The following PHTF1 variants were observed in gnomAD, a reference collection of about 807,000 sequenced individuals.
PHTF1 encodes putative homeodomain transcription factor 1.
PHTF1 carries 88 observed loss-of-function variants against 102.4 expected under a neutral mutation model. The observed-to-expected ratio is 0.86, with a 90% CI of 0.72 to 1.03. The LOEUF (loss-of-function observed/expected upper bound fraction) is 1.03, where lower values mean the gene tolerates loss of function less well. Among genes scored for constraint, PHTF1 ranks in the 50% least tolerant of loss-of-function variants. PHTF1 has a pLI of 0.00. For synonymous variants in PHTF1, 289 were observed against 305.2 expected, an observed-to-expected ratio of 0.95 and a Z score of 0.55; for missense variants, 814 against 909.5, an observed-to-expected ratio of 0.89 and a Z score of 1.35.
chr1:113,717,154 T>TA (rs1246358491), intron 7 of PHTF1, among the ~76,000 whole-genome samples: 1 of 151,946 alleles, frequency 6.6e-6, no homozygotes, highest in Middle Eastern at 3.4e-3. Context: ...GTTACCAGTT[T>TA]AAAAAAATAG....
rs970545416 is a variant in PHTF1 at position 113,697,425 on chromosome 1, A to C, written c.*280T>G. ...TAACTGTCACAGTACTGAAGCGCAA[A>C]CTTACAAAATTGTCTTTGTGTTACC... On this transcript the variant is annotated 3_prime_UTR_variant, in exon 19 of 19. Transcript: ENST00000369604. 2 of 345,614 alleles carry C rather than the reference A, an allele frequency of 5.8e-6. No homozygotes were observed. The highest frequency in any genetic ancestry group is 1.1e-5 in the Non-Finnish European group (2 of 187,558). The allele number at this position is 345,614 out of a possible 1,614,324, so 21.4% of individuals were successfully genotyped here. A position where few individuals can be genotyped will look rare whatever the true frequency, so the allele number is the denominator to read the frequency against.
Position 113,706,141 on chromosome 1 carries a change from C to T in PHTF1, c.1420G>A (p.Val474Ile), listed in dbSNP as rs764987109. The change falls in exon 13 of 19, where the codon GTA becomes ATA. Residue 474 changes from valine to isoleucine, a missense_variant. Transcript: ENST00000369604. ...MSRVNAYQQG[V>I]GYQMLGNVVT... is the part of the protein sequence containing the mutation. ...ACATTTCCCAGCATCTGATAACCTACTCCTTGCTGATAGGCATTGACCTGT... is the reference window on the plus strand; with the variant it reads ...ACATTTCCCAGCATCTGATAACCTATTCCTTGCTGATAGGCATTGACCTGT... The T allele has an allele frequency of 1.2e-6, 2 of 1,612,556 alleles. No individual in the cohort carries two copies. Among genetic ancestry groups the T allele is most frequent in the Non-Finnish European group, 1.7e-6 (2 of 1,179,104 alleles).
At chr1:113,737,483 A>T (rs943179072) in intron 5 of PHTF1, among the ~76,000 whole-genome samples, 16 of 152,208 alleles carry the variant, frequency 1.1e-4, no homozygotes, top group African/African-American at 3.9e-4. Flanking sequence ...AATAGGCCTT[A>T]ATGAGACTAC....
chr1:113,746,295 C>G (rs985864560), intron 3 of PHTF1, among the ~76,000 whole-genome samples: 2 of 152,164 alleles, frequency 1.3e-5, no homozygotes, highest in Admixed American at 1.3e-4. Context: ...AACTCTAAAC[C>G]CTGACTTCAG....
At chr1:113,740,402 C>T (rs1471917476) in intron 3 of PHTF1, among the ~76,000 whole-genome samples, 3 of 152,128 alleles carry the variant, frequency 2.0e-5, no homozygotes, top group Non-Finnish European at 4.4e-5. Flanking sequence ...GCTCATTCAC[C>T]CATTTTAAAA....
intron 12 of PHTF1, 116 bp downstream of exon 12, chr1:113,706,478 A>G (rs1044005502): frequency 3.1e-6 from 2 of 653,924 alleles, no homozygotes; most frequent in Non-Finnish European, 4.9e-6. Context: ...ATAATATGAT[A>G]TATATGTGCT....
intron 15 of PHTF1, among the ~76,000 whole-genome samples, chr1:113,701,566 G>A (rs979057226): frequency 6.6e-6 from 1 of 151,916 alleles, no homozygotes; most frequent in East Asian, 1.9e-4. Flanking sequence ...GTGAAAAACA[G>A]GAAGTCACCA....
intron 7 of PHTF1, among the ~76,000 whole-genome samples, chr1:113,717,676 T>C (rs1345793520): frequency 2.0e-5 from 3 of 152,114 alleles, no homozygotes; most frequent in African/African-American, 7.2e-5. Flanking sequence ...CTGAGAATCA[T>C]GGCGGGAGGT....
chr1:113,719,284 T>A (rs1195625238), intron 7 of PHTF1, among the ~76,000 whole-genome samples: 1 of 152,182 alleles, frequency 6.6e-6, no homozygotes, highest in East Asian at 1.9e-4. Context: ...ATTACAGGCG[T>A]GAGCCACCAC....
intron 7 of PHTF1, chr1:113,714,991 T>G (rs967823042): frequency 2.0e-4 from 30 of 152,360 alleles, no homozygotes; most frequent in African/African-American, 7.0e-4. Flanking sequence ...TCCCTGGTAA[T>G]CCAGAGAATT....
chr1:113,743,737 C>A (rs1260766096), intron 3 of PHTF1, among the ~76,000 whole-genome samples: 7 of 152,138 alleles, frequency 4.6e-5, no homozygotes, highest in Non-Finnish European at 1.5e-5. Flanking sequence ...CCATTATAAT[C>A]TTATGGGACC....
At chr1:113,757,614 A>G (rs77951707) in intron 3 of PHTF1, 85 bp downstream of exon 3, 5 of 860,832 alleles carry the variant, frequency 5.8e-6, no homozygotes, top group Non-Finnish European at 9.9e-6. Context: ...ACTGGTAGTT[A>G]AATGCAGAGT....
chr1:113,759,165 A>C lies in PHTF1; in HGVS notation c.-173T>G. The C allele has an allele frequency of 1.2e-6, 1 of 857,560 alleles. No homozygotes were observed. The highest frequency in any genetic ancestry group is 1.8e-5 in the African/African-American group (1 of 55,108). The allele number at this position is 857,560 out of a possible 1,614,324, so 53.1% of individuals were successfully genotyped here. A position where few individuals can be genotyped will look rare whatever the true frequency, so the allele number is the denominator to read the frequency against. ...CGGAGACGCCGGAGAGGCCGTTACC[A>C]TGGAGACCGCGGAGGCCGCCCCAGC... On this transcript the variant is annotated 5_prime_UTR_variant, in exon 1 of 19. It removes an upstream start codon present in the reference 5' UTR. Coordinates refer to ENST00000369604, the MANE Select transcript of PHTF1 (RefSeq NM_001323043.2).
intron 15 of PHTF1, among the ~76,000 whole-genome samples, chr1:113,702,632 G>T (rs768590448): frequency 4.7e-4 from 63 of 134,586 alleles, no homozygotes; most frequent in East Asian, 1.9e-4. Flanking sequence ...TGTGCTTGTA[G>T]TCCCGGCTAC....
intron 5 of PHTF1, among the ~76,000 whole-genome samples, chr1:113,732,495 C>T (rs1654814425): frequency 6.6e-6 from 1 of 150,672 alleles, no homozygotes; most frequent in Non-Finnish European, 1.5e-5. Context: ...GACTCCATCT[C>T]AAAAGAAAAA....
rs893827627 is a variant in PHTF1 at position 113,750,481 on chromosome 1, C to A, written c.102+7218G>T. On this transcript the variant is annotated intron_variant, in intron 3 of 18. Transcript: ENST00000369604. ...TATTAATTTTTAAAAATAAAACACA[C>A]AAAAAAGAAAAGATAATATTAATTA... Among the ~76,000 whole-genome samples, 10 of 151,886 alleles carry A rather than the reference C, an allele frequency of 6.6e-5. No individual in the cohort carries two copies. In the East Asian group the frequency reaches 1.3e-3, roughly 21 times the overall value.
chr1:113,743,074 A>G (rs964223118), intron 3 of PHTF1, among the ~76,000 whole-genome samples: 5 of 152,130 alleles, frequency 3.3e-5, no homozygotes, highest in Non-Finnish European at 7.3e-5. Context: ...GTGTCCTCTC[A>G]AAGTGCTAGA....
At chr1:113,708,366 C>T (rs1220229083) in intron 11 of PHTF1, among the ~76,000 whole-genome samples, 1 of 152,214 alleles carries the variant, frequency 6.6e-6, no homozygotes, top group African/African-American at 2.4e-5. Context: ...TGGCTCACGC[C>T]TGTAGTCCCA....
chr1:113,713,130 T>G (rs1033180389), intron 8 of PHTF1, 149 bp downstream of exon 8: 4 of 693,090 alleles, frequency 5.8e-6, no homozygotes, highest in Admixed American at 5.5e-5. Context: ...CCAGTCTTCA[T>G]GTGGTATCTT....
Sources: gnomAD v4.1 joint callset for allele counts (sites outside exome capture counted in the v4.1 genomes callset) on GRCh38, gnomAD v4.1.1 for gene constraint, MANE v1.5 for transcripts, NCBI Gene and HGNC (gene_info 2026-07-23, HGNC 2026-07-21) for gene names.